Variants in LRP1B observed in about 807,000 individuals in gnomAD.
LRP1B encodes low-density lipoprotein receptor-related protein 1B.
In LRP1B, 217 loss-of-function variants were observed where a neutral mutation model predicts 556.6. The ratio of observed to expected loss-of-function variants is 0.39; its 90% CI spans 0.35 to 0.44. LRP1B has a LOEUF of 0.44. Ranked by LOEUF, LRP1B falls within the 20% of genes least tolerant of loss-of-function variation. The pLI is 1.00. For missense variants in LRP1B, 5,053 were observed against 5,620.8 expected (o/e 0.90, Z 3.23); for synonymous variants, 2,047 against 1,865.8 (o/e 1.10, Z -2.50).
rs865843072 is a variant in LRP1B at position 140,562,287 on chromosome 2, G to A, written c.7195-20316C>T. ...TTGATAAATTAAGGAACCATTATTCGAAAATATACTAATGGTTTTGCAATA... is the reference window on the plus strand; with the variant it reads ...TTGATAAATTAAGGAACCATTATTCAAAAATATACTAATGGTTTTGCAATA... On this transcript the variant is annotated intron_variant, in intron 43 of 90. Transcript: ENST00000389484. Among the ~76,000 whole-genome samples the A allele has an allele frequency of 1.1e-4, 16 of 152,174 alleles. No homozygotes were observed. The South Asian group carries it at 2.5e-3, about 24-fold the overall frequency.
intron 2 of LRP1B, among the ~76,000 whole-genome samples, chr2:141,804,774 T>C (rs372179743): frequency 3.9e-4 from 59 of 152,140 alleles, no homozygotes; most frequent in African/African-American, 1.4e-3. Context: ...CTGAGCACTT[T>C]ACTGTGAGGC....
chr2:140,442,395 A>T (rs2105300830), intron 66 of LRP1B, 109 bp downstream of exon 66: 2 of 1,372,650 alleles, frequency 1.5e-6, no homozygotes, highest in Non-Finnish European at 2.0e-6. Context: ...AAACCTTTTC[A>T]GGTAAGACCT....
intron 3 of LRP1B, among the ~76,000 whole-genome samples, chr2:141,321,746 T>G (rs1687251917): frequency 1.3e-5 from 2 of 152,114 alleles, no homozygotes; most frequent in Admixed American, 6.6e-5. Flanking sequence ...TTTCCACTGG[T>G]CTTTTATGAT....
chr2:141,894,208 C>T (rs552048174), intron 1 of LRP1B, among the ~76,000 whole-genome samples: 1 of 152,172 alleles, frequency 6.6e-6, no homozygotes, highest in Non-Finnish European at 1.5e-5. Context: ...GAAGGCAATT[C>T]GTTAACAGAT....
At chr2:141,498,740 A>G (rs1683608799) in intron 2 of LRP1B, among the ~76,000 whole-genome samples, 1 of 152,054 alleles carries the variant, frequency 6.6e-6, no homozygotes, top group Non-Finnish European at 1.5e-5. Flanking sequence ...GGAAACTATG[A>G]TGGAAAGAAA....
chr2:140,737,560 C>T (rs1257885197), intron 35 of LRP1B, among the ~76,000 whole-genome samples: 1 of 152,096 alleles, frequency 6.6e-6, no homozygotes, highest in East Asian at 1.9e-4. Context: ...TGGGTGAACA[C>T]CAACACTAGT....
intron 1 of LRP1B, among the ~76,000 whole-genome samples, chr2:141,890,373 A>ATATATATAT: frequency 1.7e-5 from 1 of 59,258 alleles, no homozygotes; most frequent in South Asian, 4.9e-4. Context: ...ATATATATAT[A>ATATATATAT]GTGTGTATAC....
chr2:140,958,449 A>G (rs1695939461), intron 18 of LRP1B, among the ~76,000 whole-genome samples: 2 of 151,672 alleles, frequency 1.3e-5, no homozygotes, highest in African/African-American at 4.8e-5. Context: ...ATTACAAATT[A>G]GTACACTTGA....
At chr2:141,535,356 A>G (rs559977884) in intron 2 of LRP1B, among the ~76,000 whole-genome samples, 20 of 152,244 alleles carry the variant, frequency 1.3e-4, no homozygotes, top group African/African-American at 4.6e-4. Flanking sequence ...ACTCTGCAGT[A>G]TGGTATTAGT....
intron 66 of LRP1B, among the ~76,000 whole-genome samples, chr2:140,440,930 GT>G (rs1686399480): frequency 2.0e-5 from 3 of 152,080 alleles, no homozygotes; most frequent in African/African-American, 7.2e-5. Flanking sequence ...AAATAACCCT[GT>G]TATTTGACAC....
At position 140,832,847 on chromosome 2, in the gene LRP1B, A is replaced by G. The variant is rs2105079093; in HGVS notation, c.5209+7144T>C. Among the ~76,000 whole-genome samples, 3 of 142,770 alleles carry G rather than the reference A, an allele frequency of 2.1e-5. No individual in the cohort carries two copies. In the South Asian group the frequency reaches 7.1e-4, roughly 34 times the overall value. 93.7% of individuals were successfully genotyped at this position (142,770 alleles called of 152,430 possible). A position where few individuals can be genotyped will look rare whatever the true frequency, so the allele number is the denominator to read the frequency against. On this transcript the variant is annotated intron_variant, in intron 31 of 90. Transcript: ENST00000389484. ...ATAGCACAGTAGAATGACTACAGTT[A>G]ACAATAATGTATTGTCTAGTTCAAA...
At chr2:141,172,864 TC>T (rs1288374952) in intron 7 of LRP1B, among the ~76,000 whole-genome samples, 1 of 151,958 alleles carries the variant, frequency 6.6e-6, no homozygotes, top group Admixed American at 6.6e-5. Context: ...TATACACAGA[TC>T]CAAAAAGTAA....
chr2:140,715,912 T>C (rs976432315), intron 37 of LRP1B, 61 bp downstream of exon 37: 3 of 1,365,024 alleles, frequency 2.2e-6, no homozygotes, highest in Non-Finnish European at 3.0e-6. Context: ...TTAGTTTTTT[T>C]TCAATAGAAC....
At chr2:140,423,084 G>T (rs549207561) in intron 66 of LRP1B, among the ~76,000 whole-genome samples, 2 of 152,120 alleles carry the variant, frequency 1.3e-5, no homozygotes, top group South Asian at 4.1e-4. Context: ...AAATTGAGTA[G>T]CATGAAAAAA....
At chr2:140,910,118 G>A (rs955866198) in intron 21 of LRP1B, among the ~76,000 whole-genome samples, 25 of 113,158 alleles carry the variant, frequency 2.2e-4, no homozygotes, top group Non-Finnish European at 4.8e-4. Context: ...CAAAACAGAG[G>A]AATCTTAATG....
chr2:141,599,066 C>CCCCCCCCCCCCCCTCG (rs1687638982), intron 2 of LRP1B, among the ~76,000 whole-genome samples: 1 of 78,708 alleles, frequency 1.3e-5, no homozygotes. Context: ...CCCCCCCCCC[C>CCCCCCCCCCCCCCTCG]CCCCCCCCGC....
chr2:140,735,819 G>C (rs1433909046), intron 35 of LRP1B, among the ~76,000 whole-genome samples: 2 of 152,072 alleles, frequency 1.3e-5, no homozygotes, highest in East Asian at 1.9e-4. Flanking sequence ...AGAATTACTG[G>C]GCCTCAAAAG....
intron 7 of LRP1B, among the ~76,000 whole-genome samples, chr2:141,139,703 T>C (rs1701587731): frequency 6.6e-6 from 1 of 151,818 alleles, no homozygotes; most frequent in African/African-American, 2.4e-5. Flanking sequence ...AGACCAAGTG[T>C]TGGCAAAGAT....
intron 66 of LRP1B, among the ~76,000 whole-genome samples, chr2:140,395,355 T>A (rs1485680987): frequency 6.6e-6 from 1 of 152,214 alleles, no homozygotes; most frequent in East Asian, 1.9e-4. Context: ...CATATACTAT[T>A]ATAGCATTTA....
Sources: allele counts gnomAD v4.1 joint callset (sites outside exome capture counted in the v4.1 genomes callset), GRCh38; gene constraint gnomAD v4.1.1; transcripts MANE v1.5; gene names NCBI Gene and HGNC (gene_info 2026-07-23, HGNC 2026-07-21).